The following GPR158 variants were observed in gnomAD, a reference collection of about 807,000 sequenced individuals.
GPR158 encodes the protein metabotropic glycine receptor.
GPR158 carries 30 observed loss-of-function variants against 78.2 expected under a neutral mutation model. That is an observed-to-expected ratio of 0.38 (90% confidence interval 0.29 to 0.52). The LOEUF (loss-of-function observed/expected upper bound fraction) is 0.52, where lower values mean the gene tolerates loss of function less well. Ranked by LOEUF, GPR158 falls within the 20% of genes least tolerant of loss-of-function variation. The pLI is 0.83. For missense variants in GPR158, 1,463 were observed against 1,523.5 expected, an observed-to-expected ratio of 0.96 and a Z score of 0.66; for synonymous variants, 581 against 591.1, an observed-to-expected ratio of 0.98 and a Z score of 0.25.
At chr10:25,515,881 A>G (rs904268544) in intron 5 of GPR158, among the ~76,000 whole-genome samples, 1 of 151,032 alleles carries the variant, frequency 6.6e-6, no homozygotes, top group Admixed American at 6.6e-5. Context: ...TTGGGTATAT[A>G]CCCAGTAATG....
chr10:25,296,783 A>C (rs1483182379), intron 2 of GPR158, among the ~76,000 whole-genome samples: 1 of 152,216 alleles, frequency 6.6e-6, no homozygotes, highest in Non-Finnish European at 1.5e-5. Flanking sequence ...AGTGACACAG[A>C]GGGGCCAAGT....
intron 7 of GPR158, among the ~76,000 whole-genome samples, chr10:25,573,774 G>T (rs1421382006): frequency 2.0e-5 from 3 of 151,914 alleles, no homozygotes; most frequent in Non-Finnish European, 4.4e-5. Context: ...ATAGTCTTTT[G>T]CTGGAAGCTA....
intron 5 of GPR158, among the ~76,000 whole-genome samples, chr10:25,512,967 A>C (rs1443567873): frequency 6.6e-6 from 1 of 152,106 alleles, no homozygotes; most frequent in Non-Finnish European, 1.5e-5. Context: ...ATCTGTGTTC[A>C]TCAGGGATAT....
chr10:25,559,881 C>A (rs1409715462), intron 6 of GPR158, among the ~76,000 whole-genome samples: 2 of 152,172 alleles, frequency 1.3e-5, no homozygotes, highest in Non-Finnish European at 2.9e-5. Context: ...CAATATGTAA[C>A]TCTTCTGATC....
chr10:25,338,486 G>GTAATATA (rs1564426265), intron 2 of GPR158, among the ~76,000 whole-genome samples: 8 of 124,680 alleles, frequency 6.4e-5, no homozygotes, highest in Non-Finnish European at 1.2e-4. Flanking sequence ...TATAATATAC[G>GTAATATA]TATAATATAC....
At chr10:25,231,271 C>T (rs2130695305) in intron 2 of GPR158, among the ~76,000 whole-genome samples, 1 of 152,032 alleles carries the variant, frequency 6.6e-6, no homozygotes, top group African/African-American at 2.4e-5. Flanking sequence ...ATGAAAAAGC[C>T]AAAAAATGTT....
chr10:25,346,257 G>C (rs187992299), intron 2 of GPR158, among the ~76,000 whole-genome samples: 2 of 150,408 alleles, frequency 1.3e-5, no homozygotes, highest in East Asian at 3.9e-4. Context: ...ATTTTGCTGG[G>C]AAGACAAAAC....
chr10:25,532,592 A>G (rs891103270), intron 5 of GPR158, among the ~76,000 whole-genome samples: 9 of 152,088 alleles, frequency 5.9e-5, no homozygotes, highest in African/African-American at 1.9e-4. Context: ...TACATATGAT[A>G]CTTTCTCCAC....
intron 2 of GPR158, among the ~76,000 whole-genome samples, chr10:25,297,450 G>A (rs1410795831): frequency 6.6e-6 from 1 of 152,152 alleles, no homozygotes; most frequent in Non-Finnish European, 1.5e-5. Flanking sequence ...GTTTTGTGTT[G>A]CTTTAACTGT....
At chr10:25,241,384 CTCT>C (rs1588753144) in intron 2 of GPR158, among the ~76,000 whole-genome samples, 8 of 131,554 alleles carry the variant, frequency 6.1e-5, no homozygotes, top group South Asian at 4.8e-4. Flanking sequence ...CTCTTCTCTT[CTCT>C]TCTCTTCTCT....
chr10:25,360,940 A>G (rs1032428261), intron 2 of GPR158, among the ~76,000 whole-genome samples: 7 of 151,954 alleles, frequency 4.6e-5, no homozygotes, highest in African/African-American at 1.7e-4. Context: ...TATTTCGTTG[A>G]GCAGTAGTTT....
chr10:25,377,567 T>G (rs1834098550), intron 2 of GPR158, among the ~76,000 whole-genome samples: 1 of 152,024 alleles, frequency 6.6e-6, no homozygotes, highest in African/African-American at 2.4e-5. Context: ...GCAATCACTA[T>G]TCTGCTTTCT....
intron 2 of GPR158, among the ~76,000 whole-genome samples, chr10:25,310,234 C>T (rs892390582): frequency 2.6e-5 from 4 of 152,156 alleles, no homozygotes; most frequent in African/African-American, 9.7e-5. Context: ...TATCTGCGCT[C>T]TCTGTTCAGT....
chr10:25,355,391 CATT>C (rs1855535450), intron 2 of GPR158, among the ~76,000 whole-genome samples: 1 of 151,936 alleles, frequency 6.6e-6, no homozygotes, highest in South Asian at 2.1e-4. Flanking sequence ...ATTTAAATCT[CATT>C]GTTAAATTTA....
chr10:25,475,990 C>T (rs750652936), intron 5 of GPR158: 7 of 152,028 alleles, frequency 4.6e-5, no homozygotes, highest in East Asian at 3.9e-4. Context: ...AGACTACAGA[C>T]GATTTCATAA....
At chr10:25,213,142 C>T (rs1853158269) in intron 1 of GPR158, among the ~76,000 whole-genome samples, 1 of 152,032 alleles carries the variant, frequency 6.6e-6, no homozygotes, top group Non-Finnish European at 1.5e-5. Flanking sequence ...CTTTATATCT[C>T]ATTTTTCTTT....
chr10:25,485,258 A>AT (rs546035115), intron 5 of GPR158, among the ~76,000 whole-genome samples: 1 of 152,122 alleles, frequency 6.6e-6, no homozygotes, highest in South Asian at 2.1e-4. Context: ...AGTAGATGAC[A>AT]TTTTGACAAG....
In GPR158 at chr10:25,596,684, A is replaced by G. The variant is rs755796483; in HGVS notation, c.2040A>G (p.Thr680=). The G allele has an allele frequency of 1.2e-6, 2 of 1,613,650 alleles. No homozygotes were observed. Among genetic ancestry groups the G allele is most frequent in the South Asian group, 2.2e-5 (2 of 91,066 alleles). The change falls in exon 10 of 11, where the codon ACA becomes ACG. Residue 680 remains threonine, a synonymous_variant. Coordinates refer to ENST00000376351, the MANE Select transcript of GPR158 (RefSeq NM_020752.3). ...ATAACCCACGAGATGATATTGCTAC[A>G]GAAGCATATGAGGATGAGCTAGACA... The part of the protein sequence containing the change: ...SSNNPRDDIA[T]EAYEDELDMG...
At chr10:25,319,203 T>A (rs1156787293) in intron 2 of GPR158, among the ~76,000 whole-genome samples, 4 of 152,202 alleles carry the variant, frequency 2.6e-5, no homozygotes, top group African/African-American at 9.6e-5. Flanking sequence ...TGAGGTGTCA[T>A]ATCCACCAGA....
Sources: gnomAD v4.1 joint callset for allele counts (sites outside exome capture counted in the v4.1 genomes callset) on GRCh38, gnomAD v4.1.1 for gene constraint, MANE v1.5 for transcripts, NCBI Gene and HGNC (gene_info 2026-07-23, HGNC 2026-07-21) for gene names.